The following CD163L1 variants were observed in gnomAD, a reference collection of about 807,000 sequenced individuals.
The protein encoded by CD163L1 is CD163 molecule like 1, also known as scavenger receptor cysteine-rich type 1 protein M160.
Under a neutral mutation model 165.4 loss-of-function variants are expected in CD163L1, and 124 were observed. That is an observed-to-expected ratio of 0.75 (90% CI 0.65 to 0.87). The LOEUF (loss-of-function observed/expected upper bound fraction) is 0.87, where lower values mean the gene tolerates loss of function less well. Among genes scored for constraint, CD163L1 ranks in the 40% least tolerant of loss-of-function variants. The pLI, the probability that CD163L1 is intolerant of heterozygous loss-of-function variation, is 0.00. For synonymous variants in CD163L1, 585 were observed against 662.2 expected, an observed-to-expected ratio of 0.88 and a Z score of 1.79; for missense variants, 1,525 against 1,799.9, an observed-to-expected ratio of 0.85 and a Z score of 2.76.
chr12:7,399,053 A>G (rs1485176866), intron 6 of CD163L1, among the ~76,000 whole-genome samples: 1 of 152,228 alleles, frequency 6.6e-6, no homozygotes, highest in African/African-American at 2.4e-5. Context: ...GCCCTTTCAT[A>G]AAATAAATTC....
downstream of CD163L1, among the ~76,000 whole-genome samples, chr12:7,353,200 ATAG>A (rs1293623691): frequency 6.6e-6 from 1 of 152,086 alleles, no homozygotes; most frequent in Non-Finnish European, 1.5e-5. Flanking sequence ...AAAAGGCTAA[ATAG>A]TAACTTTAAA....
intron 8 of CD163L1, 109 bp from the exon 9 acceptor site, chr12:7,379,407 T>C (rs1316218697): frequency 1.5e-5 from 16 of 1,084,024 alleles, no homozygotes; most frequent in East Asian, 2.6e-5. Flanking sequence ...AGTTGAGAGA[T>C]TGTTTAGGTC....
intron 8 of CD163L1, among the ~76,000 whole-genome samples, chr12:7,384,430 CA>C (rs1291851053): frequency 6.6e-6 from 1 of 152,006 alleles, no homozygotes; most frequent in Non-Finnish European, 1.5e-5. Flanking sequence ...TATCCAGATA[CA>C]AGAAGCTGAA....
At chr12:7,417,475 TCCTTG>T (rs1368512354) in intron 4 of CD163L1, among the ~76,000 whole-genome samples, 3 of 152,166 alleles carry the variant, frequency 2.0e-5, no homozygotes, top group Non-Finnish European at 2.9e-5. Flanking sequence ...AGACAGGGCA[TCCTTG>T]TCTTGTGCTG....
At chr12:7,436,060 G>A (rs1407733200) in intron 2 of CD163L1, among the ~76,000 whole-genome samples, 1 of 152,052 alleles carries the variant, frequency 6.6e-6, no homozygotes, top group African/African-American at 2.4e-5. Flanking sequence ...TAAAAAGTAA[G>A]GTAGTGAGAA....
chr12:7,420,836 C>A (rs1286965058), intron 4 of CD163L1, among the ~76,000 whole-genome samples: 2 of 151,222 alleles, frequency 1.3e-5, no homozygotes, highest in South Asian at 4.2e-4. Context: ...CCCAACAATC[C>A]CACTACTGGG....
the CD163L1 span, among the ~76,000 whole-genome samples, chr12:7,336,516 G>A: frequency 6.6e-6 from 1 of 152,114 alleles, no homozygotes; most frequent in Non-Finnish European, 1.5e-5. Context: ...TGTGGGGTGA[G>A]GGGAGCAGGG....
chr12:7,394,100 C>CA lies in CD163L1; in HGVS notation c.2050+1994dup, dbSNP rs200396692. ...AAGTTCGTATGGAACCAAAAAAAAACAAAAACAAAAAAACAAAAAAAAAAT... is the reference window on the plus strand; with the variant it reads ...AAGTTCGTATGGAACCAAAAAAAAACAAAAAACAAAAAAACAAAAAAAAAAT... On this transcript the variant is annotated intron_variant, in intron 8 of 19. Transcript: ENST00000313599. 4.2e-4 allele frequency among the ~76,000 whole-genome samples: 60 copies of CA among 143,224 alleles called. No individual in the cohort carries two copies. The South Asian group carries it at 6.1e-3, about 14-fold the overall frequency. 94.0% of individuals were successfully genotyped at this position (143,224 alleles called of 152,430 possible). A position where few individuals can be genotyped will look rare whatever the true frequency, so the allele number is the denominator to read the frequency against.
Position 7,398,595 on chromosome 12 carries a change from G to C in CD163L1, c.1409-11C>G. On this transcript the variant is annotated splice_polypyrimidine_tract_variant and intron_variant, in intron 6 of 19. Transcript: ENST00000313599. This position sits in a 1 kb window ranked among gnomAD's most constrained non-coding sequence, Gnocchi z 4.5. ...CCAGATCTGCCTTATCTGCAAGCAA[G>C]ACAAAACCACATATTTGAGATCAAA... 6.5e-7 allele frequency: 1 copy of C among 1,536,460 alleles called. No individual in the cohort carries two copies. The highest frequency in any genetic ancestry group is 8.7e-7 in the Non-Finnish European group (1 of 1,146,012).
Position 7,372,286 on chromosome 12 carries a change from A to T in CD163L1, c.3730+1034T>A, listed in dbSNP as rs1472106559. Among the ~76,000 whole-genome samples the T allele has an allele frequency of 6.6e-6, 1 of 152,134 alleles. No homozygotes were observed. Among genetic ancestry groups the T allele is most frequent in the Non-Finnish European group, 1.5e-5 (1 of 67,956 alleles). ...TGGGGATAAGAATGAAAACTAATAC[A>T]TAGGCTTTCTGCTGGAGCAATTAAC... On this transcript the variant is annotated intron_variant, in intron 14 of 19. Transcript: ENST00000313599. This position sits in a 1 kb window ranked among gnomAD's most constrained non-coding sequence, Gnocchi z 4.2.
chr12:7,421,104 T>C (rs1565809067), intron 4 of CD163L1, among the ~76,000 whole-genome samples: 3 of 121,534 alleles, frequency 2.5e-5, no homozygotes, highest in Non-Finnish European at 5.1e-5. Context: ...TATGTATATA[T>C]ACATTTGGAA....
Position 7,432,508 on chromosome 12 carries a change from T to A in CD163L1, c.674A>T (p.Gln225Leu). Residue 225 changes from glutamine (Q) to leucine (L), a missense_variant, in exon 4 of 20, where the codon CAG (glutamine) becomes CTG (leucine). Gln to Leu is a moderately radical substitution (Grantham distance 113, BLOSUM62 -2). Coordinates refer to ENST00000313599, the MANE Select transcript of CD163L1 (RefSeq NM_174941.6). The surrounding 1 kb of genome is among the most constrained non-coding windows in gnomAD (Gnocchi z 4.2). Reference protein sequence around the residue: ...RPIWLDDILCQGNELALWNCR... With the variant: ...RPIWLDDILCLGNELALWNCR... ...ATTCCAGAGTGCCAACTCATTCCCCTGGCATAAAATGTCATCCAGCCAAAT... is the reference window on the plus strand; with the variant it reads ...ATTCCAGAGTGCCAACTCATTCCCCAGGCATAAAATGTCATCCAGCCAAAT... The A allele has an allele frequency of 6.2e-7, 1 of 1,614,184 alleles. No individual in the cohort carries two copies. Among genetic ancestry groups the A allele is most frequent in the Middle Eastern group, 1.6e-4 (1 of 6,062 alleles).
chr12:7,379,815 C>A (rs1173375236), intron 8 of CD163L1, among the ~76,000 whole-genome samples: 1 of 148,930 alleles, frequency 6.7e-6, no homozygotes, highest in Non-Finnish European at 1.5e-5. Context: ...GAAATTGGAG[C>A]TCGGGAAAAG....
At chr12:7,421,359 G>GTGTA (rs1948382777) in intron 4 of CD163L1, among the ~76,000 whole-genome samples, 3 of 95,086 alleles carry the variant, frequency 3.2e-5, no homozygotes, top group African/African-American at 1.3e-4. Flanking sequence ...ATATATATGT[G>GTGTA]TATATATGTA....
intron 4 of CD163L1, among the ~76,000 whole-genome samples, chr12:7,410,427 G>C (rs1484144800): frequency 1.3e-5 from 2 of 152,076 alleles, no homozygotes; most frequent in Non-Finnish European, 2.9e-5. Flanking sequence ...CCAACATGGT[G>C]AAACCCTATC....
intron 4 of CD163L1, among the ~76,000 whole-genome samples, chr12:7,431,145 G>A (rs1591967225): frequency 6.6e-6 from 1 of 152,140 alleles, no homozygotes; most frequent in African/African-American, 2.4e-5. Context: ...TTCTTCAGCC[G>A]GGTGCGGTGG....
At chr12:7,382,896 T>TCTAG (rs1356853897) in intron 8 of CD163L1, among the ~76,000 whole-genome samples, 2 of 152,190 alleles carry the variant, frequency 1.3e-5, no homozygotes, top group Non-Finnish European at 2.9e-5. Flanking sequence ...TGGCAGTGTG[T>TCTAG]CTAGGTCCCC....
Position 7,369,003 on chromosome 12 carries a change from G to A in CD163L1, c.4040-38C>T, listed in dbSNP as rs1339699484. ...GAGAGAGAGAGAGACGTAAATGAAC[G>A]AAAAGGAACTGGGTATTTCTTTTTA... On this transcript the variant is annotated intron_variant, in intron 15 of 19. Transcript: ENST00000313599. The surrounding 1 kb of genome is among the most constrained non-coding windows in gnomAD (Gnocchi z 4.9). 10 of 1,601,802 alleles carry A rather than the reference G, an allele frequency of 6.2e-6. No individual in the cohort carries two copies. Among genetic ancestry groups the A allele is most frequent in the African/African-American group, 1.3e-5 (1 of 74,608 alleles).
intron 18 of CD163L1, among the ~76,000 whole-genome samples, chr12:7,363,508 A>T (rs1946949809): frequency 6.6e-6 from 1 of 152,072 alleles, no homozygotes; most frequent in Admixed American, 6.5e-5. Flanking sequence ...TTTTGGAAAG[A>T]TAAACCAAAT....
Sources: allele counts gnomAD v4.1 joint callset (sites outside exome capture counted in the v4.1 genomes callset), GRCh38; gene constraint gnomAD v4.1.1; non-coding constraint Gnocchi (gnomAD v3.1); transcripts MANE v1.5; gene names NCBI Gene and HGNC (gene_info 2026-07-23, HGNC 2026-07-21).